Variants in GUCY2D observed in about 807,000 individuals in gnomAD.
GUCY2D encodes guanylate cyclase 2D, retinal.
A neutral mutation model predicts 101.3 loss-of-function variants in GUCY2D; 70 were observed. That is an observed-to-expected ratio of 0.69 (90% CI 0.57 to 0.84). GUCY2D has a LOEUF of 0.84. Among genes scored for constraint, GUCY2D ranks in the 40% least tolerant of loss-of-function variants. The pLI, the probability that GUCY2D is intolerant of heterozygous loss-of-function variation, is 0.00. For synonymous variants in GUCY2D, 688 were observed against 670.7 expected, an observed-to-expected ratio of 1.03 and a Z score of -0.40; for missense variants, 1,460 against 1,542.5, an observed-to-expected ratio of 0.95 and a Z score of 0.90.
rs376364350 is a variant in GUCY2D, at chr17:8,006,458, C to T, written c.1122C>T (p.Ser374=). 9 of 1,605,496 alleles carry T rather than the reference C, an allele frequency of 5.6e-6. No homozygotes were observed. Among genetic ancestry groups the T allele is most frequent in the South Asian group, 1.1e-5 (1 of 91,082 alleles). The stretch of plus-strand genomic sequence containing the variant: ...CTGCCGCAGGTGGCAGATGGGTGTC[C>T]GGAGCAGCTGTGGCCCGCCACATCC... ...ARAAAGGRWV[S]GAAVARHIRD... Residue 374 remains serine, a synonymous_variant, in exon 4 of 20, where the codon TCC becomes TCT. Coordinates refer to ENST00000254854, the MANE Select transcript of GUCY2D (RefSeq NM_000180.4).
At chr17:8,015,658 T>C in intron 15 of GUCY2D, 85 bp from the exon 16 acceptor site, 1 of 1,215,462 alleles carries the variant, frequency 8.2e-7, no homozygotes, top group Non-Finnish European at 1.2e-6. Context: ...GTGGAGATAA[T>C]GGGTGCGAAG....
At chr17:8,018,749 A>T (rs1976021024) in intron 19 of GUCY2D, among the ~76,000 whole-genome samples, 1 of 151,614 alleles carries the variant, frequency 6.6e-6, no homozygotes, top group African/African-American at 2.4e-5. Flanking sequence ...ATTCCTTTAT[A>T]TTCCTGCCTG....
Position 8,003,474 on chromosome 17 carries a change from G to GCC in GUCY2D, c.428_429dup (p.Gly144ProfsTer23), listed in dbSNP as rs1160591473. 1 of 1,524,518 alleles carries GCC rather than the reference G, an allele frequency of 6.6e-7. No individual in the cohort carries two copies. The highest frequency in any genetic ancestry group is 2.5e-5 in the East Asian group (1 of 39,770). 94.4% of individuals were successfully genotyped at this position (1,524,518 alleles called of 1,614,324 possible). On this transcript the variant is annotated frameshift_variant, in exon 2 of 20. Transcript: ENST00000254854. LOFTEE classifies it high-confidence loss of function. ...GCCAGCCGAGCTGCTCGCCGAAGAA[G>GCC]CCGGGATCGCGCTGGTGCCCTGGGG...
intron 5 of GUCY2D, 110 bp from the exon 6 acceptor site, chr17:8,007,316 C>T (rs1975764649): frequency 4.4e-6 from 4 of 903,206 alleles, no homozygotes; most frequent in Non-Finnish European, 7.4e-6. Context: ...GGGATGGCTG[C>T]CCTCCAGGAC....
intron 8 of GUCY2D, among the ~76,000 whole-genome samples, chr17:8,009,788 G>T (rs753447830): frequency 2.0e-5 from 3 of 152,032 alleles, no homozygotes; most frequent in Non-Finnish European, 4.4e-5. Flanking sequence ...ACCAGCCTGG[G>T]CAACATAAAG....
Position 8,003,149 on chromosome 17 carries a change from C to T in GUCY2D, c.102C>T (p.Pro34=), listed in dbSNP as rs1262337868. The T allele has an allele frequency of 6.6e-7, 1 of 1,510,376 alleles. No individual in the cohort carries two copies. 93.6% of individuals were successfully genotyped at this position (1,510,376 alleles called of 1,614,324 possible). The change falls in exon 2 of 20, where the codon CCC becomes CCT. Residue 34 remains proline, a synonymous_variant. Transcript: ENST00000254854. Reference sequence around the variant, plus strand: ...TGCCCCGCCTCCCCCGGGCCCTGCCCCGGCTCCCGCTCCTGCTGCTCCTGC... The same window carrying T: ...TGCCCCGCCTCCCCCGGGCCCTGCCTCGGCTCCCGCTCCTGCTGCTCCTGC... ...PSLPRLPRAL[P]RLPLLLLLLL...
Position 8,010,532 on chromosome 17 carries a change from C to T in GUCY2D, c.1749+946C>T, listed in dbSNP as rs539797071. On this transcript the variant is annotated intron_variant, in intron 8 of 19. Coordinates refer to ENST00000254854, the MANE Select transcript of GUCY2D (RefSeq NM_000180.4). ...GTGTTTAAAATGAAAAGTATCTGGG[C>T]GCGGTGGCTCACACCTGTGATCCCA... is the stretch of plus-strand genomic sequence containing the variant. Among the ~76,000 whole-genome samples, 11 of 152,176 alleles carry T rather than the reference C, an allele frequency of 7.2e-5. No homozygotes were observed. In the South Asian group the frequency reaches 1.9e-3, roughly 26 times the overall value.
Position 8,007,451 on chromosome 17 carries a change from G to A in GUCY2D, c.1489G>A (p.Val497Ile), listed in dbSNP as rs767360120. Residue 497 changes from valine (V) to isoleucine (I), a missense_variant, in exon 6 of 20, where the codon GTC (valine) becomes ATC (isoleucine). Val to Ile is a conservative substitution (Grantham distance 29). Transcript: ENST00000254854. ...GCACCGGCTACTTCACATGCAAATGGTCTCCGGCCCCAACAAGATCATCCT... is the reference window on the plus strand; with the variant it reads ...GCACCGGCTACTTCACATGCAAATGATCTCCGGCCCCAACAAGATCATCCT... ...VRHRLLHMQM[V>I]SGPNKIILTV... 3.1e-6 allele frequency: 5 copies of A among 1,613,282 alleles called. No homozygotes were observed. The African/African-American group carries it at 4.0e-5, about 13-fold the overall frequency.
Position 8,003,294 on chromosome 17 carries a change from C to A in GUCY2D, c.247C>A (p.Arg83Ser). Reference protein sequence around the residue: ...PDLAARLAAARLNRDPGLAGG... With the variant: ...PDLAARLAAASLNRDPGLAGG... ...CCTGGCCGCCCGCCTGGCCGCCGCC[C>A]GCCTGAACCGCGACCCCGGCCTGGC... Residue 83 changes from arginine (R) to serine (S), a missense_variant, in exon 2 of 20, where the codon CGC becomes AGC. Coordinates refer to ENST00000254854, the MANE Select transcript of GUCY2D (RefSeq NM_000180.4). 1 of 1,490,724 alleles carries A rather than the reference C, an allele frequency of 6.7e-7. No homozygotes were observed. The highest frequency in any genetic ancestry group is 8.9e-7 in the Non-Finnish European group (1 of 1,126,630). The allele number at this position is 1,490,724 out of a possible 1,614,324, so 92.3% of individuals were successfully genotyped here.
In GUCY2D at chr17:8,007,852, C is replaced by T. The variant is rs1190449300; in HGVS notation, c.1567-79C>T. 2.4e-5 allele frequency: 21 copies of T among 892,610 alleles called. No homozygotes were observed. In the East Asian group the frequency reaches 4.2e-4, roughly 18 times the overall value. 55.3% of individuals were successfully genotyped at this position (892,610 alleles called of 1,614,324 possible). A position where few individuals can be genotyped will look rare whatever the true frequency, so the allele number is the denominator to read the frequency against. ...CCTTCGCCTCCCATCTTTAAATCCC[C>T]AAAACTCAGCCTGACCTCAACCCAG... On this transcript the variant is annotated intron_variant, in intron 6 of 19. Coordinates refer to ENST00000254854, the MANE Select transcript of GUCY2D (RefSeq NM_000180.4).
Position 8,006,686 on chromosome 17 carries a change from G to A in GUCY2D, c.1350G>A (p.Trp450Ter). Residue 450 changes from tryptophan to a stop codon, truncating the protein, a stop_gained, in exon 4 of 20, where the codon TGG (tryptophan) becomes TGA (stop). Coordinates refer to ENST00000254854, the MANE Select transcript of GUCY2D (RefSeq NM_000180.4). LOFTEE classifies it high-confidence loss of function. ...CACCCGGACCTGACCCCTCGTGCTG[G>A]TTCGATCCAAACAACATCTGCGGTG... ...GSAPGPDPSCWFDPNNICGGG... is the reference protein window; with the variant it reads ...GSAPGPDPSC The A allele has an allele frequency of 6.2e-7, 1 of 1,610,332 alleles. No homozygotes were observed. Among genetic ancestry groups the A allele is most frequent in the Non-Finnish European group, 8.5e-7 (1 of 1,178,238 alleles).
chr17:8,008,010 G>T lies in GUCY2D; in HGVS notation c.1646G>T (p.Ser549Ile), dbSNP rs1975779470. Residue 549 changes from serine to isoleucine, a missense_variant, in exon 7 of 20, where the codon AGC (serine) becomes ATC (isoleucine). Transcript: ENST00000254854. The part of the protein sequence containing the change: ...IRSGPSQHLD[S>I]PNIGVYEGDR... ...AGCGGCCCCAGCCAACACTTGGACA[G>T]CCCCAACATTGGTGTCTATGAGGTG... 6.2e-7 allele frequency: 1 copy of T among 1,611,544 alleles called. No individual in the cohort carries two copies. Among genetic ancestry groups the T allele is most frequent in the African/African-American group, 1.3e-5 (1 of 74,874 alleles).
chr17:8,009,396 G>T (rs904372667), intron 7 of GUCY2D, 110 bp from the exon 8 acceptor site: 6 of 797,674 alleles, frequency 7.5e-6, no homozygotes, highest in Admixed American at 1.7e-5. Context: ...TCACATGGAA[G>T]ATGCATTCTG....
intron 15 of GUCY2D, 90 bp downstream of exon 15, chr17:8,015,592 G>A: frequency 7.7e-7 from 1 of 1,293,870 alleles, no homozygotes; most frequent in Non-Finnish European, 1.1e-6. Flanking sequence ...TCATGGAGCG[G>A]GGAGTGGGGC....
At chr17:8,004,178 G>T (rs1038837977) in intron 3 of GUCY2D, 22 bp downstream of exon 3, 2 of 1,573,222 alleles carry the variant, frequency 1.3e-6, no homozygotes, top group Non-Finnish European at 1.7e-6. Flanking sequence ...CGGGAGGAGG[G>T]AAGAAGGCAA....
At chr17:8,018,732 T>C (rs1976020522) in intron 19 of GUCY2D, among the ~76,000 whole-genome samples, 1 of 152,130 alleles carries the variant, frequency 6.6e-6, no homozygotes, top group Admixed American at 6.5e-5. Context: ...ACCAAGATTT[T>C]TTGAACATTC....
chr17:8,007,652 C>T (rs1975772515), intron 6 of GUCY2D, 124 bp downstream of exon 6: 15 of 683,826 alleles, frequency 2.2e-5, no homozygotes, highest in Middle Eastern at 2.5e-4. Context: ...TTCTGTCCCA[C>T]GTCTGAAGTC....
rs779480027 is a variant in GUCY2D at position 8,015,512 on chromosome 17, G to C, written c.2944+10G>C. ...ATAGGCCTGCACTCGGGTAACTCCC[G>C]GGTCTTCCCAGGCTCCAGCCCATCT... On this transcript the variant is annotated intron_variant, in intron 15 of 19. Coordinates refer to ENST00000254854, the MANE Select transcript of GUCY2D (RefSeq NM_000180.4). The C allele has an allele frequency of 1.9e-6, 3 of 1,607,960 alleles. No homozygotes were observed. Among genetic ancestry groups the C allele is most frequent in the Non-Finnish European group, 2.5e-6 (3 of 1,177,734 alleles).
Position 8,004,176 on chromosome 17 carries a change from G to A in GUCY2D, c.1026+20G>A. 6.3e-7 allele frequency: 1 copy of A among 1,575,158 alleles called. No homozygotes were observed. Among genetic ancestry groups the A allele is most frequent in the Non-Finnish European group, 8.6e-7 (1 of 1,164,822 alleles). ...CAGCAGGTAGACGGTCCCGGGAGGAGGGAAGAAGGCAAGGGAGAGGGGAGA... is the reference window on the plus strand; with the variant it reads ...CAGCAGGTAGACGGTCCCGGGAGGAAGGAAGAAGGCAAGGGAGAGGGGAGA... On this transcript the variant is annotated intron_variant, in intron 3 of 19. Coordinates refer to ENST00000254854, the MANE Select transcript of GUCY2D (RefSeq NM_000180.4).
Sources: allele counts gnomAD v4.1 joint callset (sites outside exome capture counted in the v4.1 genomes callset), GRCh38; gene constraint gnomAD v4.1.1; transcripts MANE v1.5; gene names NCBI Gene and HGNC (gene_info 2026-07-23, HGNC 2026-07-21).